Variants in ACER1 observed in about 807,000 individuals in gnomAD.
ACER1 encodes the protein alkaline ceramidase 1.
Under a neutral mutation model 24.9 loss-of-function variants are expected in ACER1, and 28 were observed. The observed-to-expected ratio is 1.13, with a 90% CI of 0.83 to 1.54. ACER1 has a LOEUF of 1.54. ACER1 is among the 40% of genes most tolerant of loss of function. The pLI is 0.00. For missense variants in ACER1, 352 were observed against 349.3 expected (o/e 1.01, Z -0.06); for synonymous variants, 132 against 131.4 (o/e 1.00, Z -0.03).
rs779428147 is a variant in ACER1 at position 6,321,132 on chromosome 19, TTTTC to T, written c.94-8637_94-8634del. Among the ~76,000 whole-genome samples the T allele has an allele frequency of 5.3e-5, 8 of 151,820 alleles. No individual in the cohort carries two copies. The East Asian group carries it at 5.8e-4, about 11-fold the overall frequency. On this transcript the variant is annotated intron_variant, in intron 1 of 5. Coordinates refer to ENST00000301452, the MANE Select transcript of ACER1 (RefSeq NM_133492.3). ...CATCACACTAGCTAATTCCAGAAAA[TTTTC>T]TTTCTTTTTTTTTTTTTGAGACCAA...
the ACER1 span, among the ~76,000 whole-genome samples, chr19:6,350,613 GGGAGGGAGGGAA>G: frequency 8.8e-5 from 13 of 147,976 alleles, no homozygotes; most frequent in Admixed American, 7.4e-4. Flanking sequence ...GAAGGAGGGA[GGGAGGGAGGGAA>G]GGAGGGAGGG....
At chr19:6,339,404 C>A in the ACER1 span, among the ~76,000 whole-genome samples, 1 of 151,856 alleles carries the variant, frequency 6.6e-6, no homozygotes, top group African/African-American at 2.4e-5. Context: ...CTAGGAGGTC[C>A]CCAAAGTCCT....
At chr19:6,342,050 A>G in the ACER1 span, among the ~76,000 whole-genome samples, 1 of 146,156 alleles carries the variant, frequency 6.8e-6, no homozygotes, top group East Asian at 1.9e-4. Flanking sequence ...TGGAAAATGA[A>G]CTTGTTTAAA....
the ACER1 span, among the ~76,000 whole-genome samples, chr19:6,351,628 G>C: frequency 1.5e-3 from 226 of 152,000 alleles, 1 homozygote; most frequent in Non-Finnish European, 2.4e-3. Context: ...AGCTACTCAG[G>C]AGGCTGACGC....
At chr19:6,347,562 G>A in the ACER1 span, among the ~76,000 whole-genome samples, 10 of 152,036 alleles carry the variant, frequency 6.6e-5, no homozygotes, top group African/African-American at 1.2e-4. Flanking sequence ...ATGGCCGGGC[G>A]TGGTGGTTCA....
the ACER1 span, chr19:6,353,473 A>G: frequency 6.6e-6 from 1 of 151,562 alleles, no homozygotes; most frequent in African/African-American, 2.4e-5. Context: ...TGCCTCTACA[A>G]AATAAAAATA....
chr19:6,327,487 C>G (rs1320338537), intron 1 of ACER1, among the ~76,000 whole-genome samples: 1 of 151,936 alleles, frequency 6.6e-6, no homozygotes, highest in Admixed American at 6.6e-5. Flanking sequence ...ATGGTGTGAA[C>G]CCGGGAGGCG....
intron 1 of ACER1, among the ~76,000 whole-genome samples, chr19:6,316,914 G>C (rs1600238061): frequency 7.0e-6 from 1 of 143,834 alleles, no homozygotes; most frequent in Admixed American, 7.0e-5. Context: ...ACAAACAAAA[G>C]AAAAACATGA....
At chr19:6,347,218 C>CTTTTTTTTTT in the ACER1 span, among the ~76,000 whole-genome samples, 28 of 132,188 alleles carry the variant, frequency 2.1e-4, 1 homozygote, top group African/African-American at 4.5e-4. Context: ...CTTTTCTTTT[C>CTTTTTTTTTT]TTTTTCTTTT....
At chr19:6,335,779 C>T (rs2091711924), upstream of ACER1, among the ~76,000 whole-genome samples, 1 of 151,078 alleles carries the variant, frequency 6.6e-6, no homozygotes, top group Non-Finnish European at 1.5e-5. Context: ...TGCAGCGAGC[C>T]AAAATTGCAC....
intron 3 of ACER1, among the ~76,000 whole-genome samples, chr19:6,310,323 G>A (rs551126578): frequency 2.6e-5 from 4 of 150,996 alleles, no homozygotes; most frequent in Admixed American, 1.3e-4. Flanking sequence ...TCCTGACCTC[G>A]TGATCCGCCC....
At position 6,307,223 on chromosome 19, in the gene ACER1, T is replaced by C; in HGVS notation, c.556A>G (p.Ser186Gly). 6.2e-7 allele frequency: 1 copy of C among 1,614,118 alleles called. No individual in the cohort carries two copies. The highest frequency in any genetic ancestry group is 8.5e-7 in the Non-Finnish European group (1 of 1,180,020). The change falls in exon 5 of 6, where the codon AGC becomes GGC. Residue 186 changes from serine (S) to glycine (G), a missense_variant. Transcript: ENST00000301452. Reference sequence around the variant, plus strand: ...CAAAGCAGACGGTCACTGATCCAGCTGGTCAGAGCAACAGCCCATAAAACC... The same window carrying C: ...CAAAGCAGACGGTCACTGATCCAGCCGGTCAGAGCAACAGCCCATAAAACC... ...SVVLWAVALT[S>G]WISDRLLCSF... is the part of the protein sequence containing the mutation.
chr19:6,314,627 G>A (rs79751675), intron 1 of ACER1, among the ~76,000 whole-genome samples: 5,477 of 152,120 alleles, frequency 0.036, 334 homozygotes, highest in African/African-American at 0.13. Flanking sequence ...TATATAATAT[G>A]GGTGGAAATG....
Position 6,306,799 on chromosome 19 carries a change from G to A in ACER1, c.710C>T (p.Thr237Ile), listed in dbSNP as rs755615207. The change falls in exon 6 of 6, where the codon ACC (threonine) becomes ATC (isoleucine). Residue 237 changes from threonine to isoleucine, a missense_variant. Physicochemically the swap from Thr to Ile is moderately conservative, Grantham distance 89. Transcript: ENST00000301452. ...CCGAGGCCAGTAGCGGACTTTGAGG[G>A]TTTCACCTGGCATCTCATAGTTGGC... Reference protein sequence around the residue: ...VDANYEMPGETLKVRYWPRDS... With the variant: ...VDANYEMPGEILKVRYWPRDS... The A allele has an allele frequency of 4.3e-6, 7 of 1,614,054 alleles. No homozygotes were observed. The highest frequency in any genetic ancestry group is 5.1e-6 in the Non-Finnish European group (6 of 1,180,040).
At chr19:6,327,597 A>T (rs928406665) in intron 1 of ACER1, among the ~76,000 whole-genome samples, 2 of 149,422 alleles carry the variant, frequency 1.3e-5, no homozygotes, top group Non-Finnish European at 3.0e-5. Context: ...ATAATAAAAT[A>T]AAAATAAAAT....
At chr19:6,308,794 T>C (rs2091563671) in intron 4 of ACER1, among the ~76,000 whole-genome samples, 2 of 152,120 alleles carry the variant, frequency 1.3e-5, no homozygotes, top group Non-Finnish European at 1.5e-5. Context: ...GGGAGAAATA[T>C]GTAACAGATT....
intron 1 of ACER1, among the ~76,000 whole-genome samples, chr19:6,328,496 CAAAAAA>C (rs1013111916): frequency 7.3e-5 from 3 of 41,236 alleles, no homozygotes; most frequent in East Asian, 7.3e-4. Flanking sequence ...GACTCCATCT[CAAAAAA>C]AAAAAAAAAA....
chr19:6,349,024 C>T, the ACER1 span, among the ~76,000 whole-genome samples: 3 of 151,032 alleles, frequency 2.0e-5, no homozygotes, highest in Non-Finnish European at 4.4e-5. Flanking sequence ...CCACTGCACT[C>T]CAGCCTGGGC....
At chr19:6,344,049 A>G in the ACER1 span, 2 of 152,292 alleles carry the variant, frequency 1.3e-5, no homozygotes, top group Admixed American at 1.3e-4. Context: ...TCATGCCTGT[A>G]ATCCCAGGAG....
Sources: allele counts gnomAD v4.1 joint callset (sites outside exome capture counted in the v4.1 genomes callset), GRCh38; gene constraint gnomAD v4.1.1; transcripts MANE v1.5; gene names NCBI Gene and HGNC (gene_info 2026-07-23, HGNC 2026-07-21).